PADI6: variants seen among roughly 807,000 people sequenced by gnomAD.
PADI6 encodes the protein peptidyl arginine deiminase 6, also known as inactive protein-arginine deiminase type-6.
Under a neutral mutation model 78.2 loss-of-function variants are expected in PADI6, and 66 were observed. The observed-to-expected ratio is 0.84, with a 90% CI of 0.69 to 1.04. PADI6 has a LOEUF of 1.04. Ranked by LOEUF, PADI6 falls within the 50% of genes least tolerant of loss-of-function variation. The pLI, the probability that PADI6 is intolerant of heterozygous loss-of-function variation, is 0.00. For synonymous variants in PADI6, 397 were observed against 346.9 expected, an observed-to-expected ratio of 1.14 and a Z score of -1.60; for missense variants, 854 against 866.1, an observed-to-expected ratio of 0.99 and a Z score of 0.18.
At chr1:17,381,871 T>C in intron 5 of PADI6, 96 bp from the exon 6 acceptor site, 2 of 1,432,016 alleles carry the variant, frequency 1.4e-6, no homozygotes, top group South Asian at 2.4e-5. Flanking sequence ...CTTGGTGCTC[T>C]GTTCAAACTC....
At position 17,388,666 on chromosome 1, in the gene PADI6, A is replaced by C. The variant is rs950929153; in HGVS notation, c.858+107A>C. On this transcript the variant is annotated intron_variant, in intron 7 of 15. Transcript: ENST00000619609. ...GAGGTTTGCTGGGGGAGAGCTGCAG[A>C]AGGCAAGTGGGGCCCAGCTGGGGGC... is the stretch of plus-strand genomic sequence containing the variant. The C allele has an allele frequency of 7.5e-6, 11 of 1,457,768 alleles. No individual in the cohort carries two copies. In the African/African-American group the frequency reaches 1.5e-4, roughly 20 times the overall value. 90.3% of individuals were successfully genotyped at this position (1,457,768 alleles called of 1,614,324 possible).
At chr1:17,380,897 C>A in intron 4 of PADI6, 150 bp from the exon 5 acceptor site, 1 of 572,478 alleles carries the variant, frequency 1.7e-6, no homozygotes, top group Non-Finnish European at 3.0e-6. Flanking sequence ...CCTTCCTGTG[C>A]CTACAGATTC....
At chr1:17,376,491 ATTTT>A (rs35174721) in intron 3 of PADI6, among the ~76,000 whole-genome samples, 3 of 148,394 alleles carry the variant, frequency 2.0e-5, no homozygotes, top group African/African-American at 5.0e-5. Context: ...TAGTGGGCTA[ATTTT>A]TTTTATTTTT....
At chr1:17,379,199 GC>G (rs1275274396) in intron 3 of PADI6, among the ~76,000 whole-genome samples, 1 of 139,024 alleles carries the variant, frequency 7.2e-6, no homozygotes, top group Non-Finnish European at 1.5e-5. Context: ...TGCAGGCTCC[GC>G]CCCCTGGGGT....
At position 17,381,067 on chromosome 1, in the gene PADI6, C is replaced by T. The variant is rs756095321; in HGVS notation, c.456C>T (p.Pro152=). The T allele has an allele frequency of 1.2e-6, 2 of 1,604,586 alleles. No individual in the cohort carries two copies. Among genetic ancestry groups the T allele is most frequent in the Non-Finnish European group, 1.7e-6 (2 of 1,175,744 alleles). ...KQAKKKWIWG[P]SGWGAILLVN... is the part of the protein sequence containing the mutation. ...TGCAGAAAAAATGGATCTGGGGTCC[C>T]AGCGGTTGGGGTGCCATCCTGCTTG... The change falls in exon 5 of 16, where the codon CCC becomes CCT. Residue 152 remains proline (P), a synonymous_variant. Coordinates refer to ENST00000619609, the MANE Select transcript of PADI6 (RefSeq NM_207421.4).
chr1:17,393,061 G>A (rs1389171589), intron 9 of PADI6, among the ~76,000 whole-genome samples: 1 of 152,078 alleles, frequency 6.6e-6, no homozygotes, highest in Non-Finnish European at 1.5e-5. Context: ...CAGAAGAATC[G>A]CTTGAACCCA....
At position 17,397,140 on chromosome 1, in the gene PADI6, A is replaced by AG. The variant is rs1322433710; in HGVS notation, c.1689+1dup. On this transcript the variant is annotated frameshift_variant and splice_region_variant, in exon 14 of 16. Transcript: ENST00000619609. LOFTEE classifies it high-confidence loss of function. The stretch of plus-strand genomic sequence containing the variant: ...CTGAAGAAGCAGAATGAATACGTGG[A>AG]GGTAGGACCAGTGTGAAGGGGGCCA... The AG allele has an allele frequency of 3.1e-6, 5 of 1,613,756 alleles. No individual in the cohort carries two copies. The highest frequency in any genetic ancestry group is 4.5e-5 in the East Asian group (2 of 44,880).
chr1:17,398,648 T>TGGGGGGGGGGGGGGGGGGGGGGGG, intron 14 of PADI6, 38 bp from the exon 15 acceptor site: 2 of 193,328 alleles, frequency 1.0e-5, no homozygotes, highest in Non-Finnish European at 9.0e-6. Flanking sequence ...CTCTCCTTGC[T>TGGGGGGGGGGGGGGGGGGGGGGGG]CCCCCGCCCC....
At chr1:17,374,135 G>A (rs2074992341) in intron 2 of PADI6, among the ~76,000 whole-genome samples, 1 of 152,214 alleles carries the variant, frequency 6.6e-6, no homozygotes, top group East Asian at 1.9e-4. Context: ...AGCTCTCCAG[G>A]TGCACCCAGT....
At chr1:17,374,844 A>G (rs1345985832) in intron 2 of PADI6, among the ~76,000 whole-genome samples, 1 of 152,018 alleles carries the variant, frequency 6.6e-6, no homozygotes, top group Non-Finnish European at 1.5e-5. Flanking sequence ...CATGACCAAG[A>G]CCTTGTGGTC....
chr1:17,373,368 T>C, intron 2 of PADI6, 135 bp downstream of exon 2: 1 of 1,065,472 alleles, frequency 9.4e-7, no homozygotes, highest in Non-Finnish European at 1.3e-6. Context: ...TCATCCAGTG[T>C]CTGCAACAGA....
At chr1:17,375,975 C>CTTTTTTTTTTTTTTTTTTTTTTTTTT (rs575076756) in intron 3 of PADI6, among the ~76,000 whole-genome samples, 5 of 150,334 alleles carry the variant, frequency 3.3e-5, no homozygotes, top group African/African-American at 9.9e-5. Flanking sequence ...ATAACATCTA[C>CTTTTTTTTTTTTTTTTTTTTTTTTTT]TTTTTTTTTC....
intron 8 of PADI6, among the ~76,000 whole-genome samples, chr1:17,391,499 C>T (rs190555017): frequency 7.3e-4 from 111 of 152,330 alleles, no homozygotes; most frequent in African/African-American, 2.4e-3. Flanking sequence ...GGATTACAGG[C>T]GTGCGCCACT....
In PADI6 at chr1:17,392,025, A is replaced by C. The variant is rs2075189853; in HGVS notation, c.963-89A>C. The C allele has an allele frequency of 2.8e-6, 3 of 1,083,378 alleles. No individual in the cohort carries two copies. In the East Asian group the frequency reaches 7.8e-5, roughly 28 times the overall value. 67.1% of individuals were successfully genotyped at this position (1,083,378 alleles called of 1,614,324 possible). ...GATGTAACCTCTCCTGGTGAGAAGG[A>C]TGTGTTCTTCCTCTCTTGGCACAAG... On this transcript the variant is annotated intron_variant, in intron 8 of 15. Coordinates refer to ENST00000619609, the MANE Select transcript of PADI6 (RefSeq NM_207421.4).
At position 17,381,307 on chromosome 1, in the gene PADI6, T is replaced by G; in HGVS notation, c.553+143T>G. On this transcript the variant is annotated intron_variant, in intron 5 of 15. Transcript: ENST00000619609. ...CCCATGCCTGGGCTGATCAAACCTT[T>G]TGTCCTGAGTTGTAGATGTATAATT... 3 of 648,632 alleles carry G rather than the reference T, an allele frequency of 4.6e-6. No homozygotes were observed. In the South Asian group the frequency reaches 6.0e-5, roughly 13 times the overall value. 40.2% of individuals were successfully genotyped at this position (648,632 alleles called of 1,614,324 possible). A position where few individuals can be genotyped will look rare whatever the true frequency, so the allele number is the denominator to read the frequency against.
In PADI6 at chr1:17,401,218, T is replaced by A; in HGVS notation, c.1865T>A (p.Val622Glu). The change falls in exon 16 of 16, where the codon GTG (valine) becomes GAG (glutamate). Residue 622 changes from valine (V) to glutamate (E), a missense_variant. Val to Glu is a moderately radical substitution (Grantham distance 121, BLOSUM62 -2). Coordinates refer to ENST00000619609, the MANE Select transcript of PADI6 (RefSeq NM_207421.4). ...PYFPDLLRMI[V>E]MGKNLGIPKP... ...TCTTTCTAACAGTTGCGGATGATTGTGATGGGCAAGAACCTGGGGATCCCC... is the reference window on the plus strand; with the variant it reads ...TCTTTCTAACAGTTGCGGATGATTGAGATGGGCAAGAACCTGGGGATCCCC... 1 of 1,613,956 alleles carries A rather than the reference T, an allele frequency of 6.2e-7. No homozygotes were observed. Among genetic ancestry groups the A allele is most frequent in the Non-Finnish European group, 8.5e-7 (1 of 1,179,856 alleles).
At position 17,384,188 on chromosome 1, in the gene PADI6, T is replaced by A. The variant is rs188704406; in HGVS notation, c.679+2096T>A. 1.2e-3 allele frequency among the ~76,000 whole-genome samples: 176 copies of A among 152,006 alleles called. 1 individual carries two copies. The highest frequency in any genetic ancestry group is 6.9e-3 in the Middle Eastern group (2 of 290). ...CAGGGTAGGGCAACACAGCATGTTA[T>A]GTTTTAACAAGCCTTCCAGGTGACT... is the stretch of plus-strand genomic sequence containing the variant. On this transcript the variant is annotated intron_variant, in intron 6 of 15. Transcript: ENST00000619609.
At chr1:17,397,180 C>T in intron 14 of PADI6, 39 bp downstream of exon 14, 2 of 1,608,120 alleles carry the variant, frequency 1.2e-6, no homozygotes, top group Non-Finnish European at 1.7e-6. Context: ...CAAGAAAGAG[C>T]TGGTGCCGCA....
chr1:17,398,224 C>A (rs1471834738), intron 14 of PADI6, among the ~76,000 whole-genome samples: 2 of 152,192 alleles, frequency 1.3e-5, no homozygotes, highest in Admixed American at 6.5e-5. Flanking sequence ...GAACAGCCCC[C>A]CTGGCATAGC....
Sources: gnomAD v4.1 joint callset for allele counts (sites outside exome capture counted in the v4.1 genomes callset) on GRCh38, gnomAD v4.1.1 for gene constraint, MANE v1.5 for transcripts, NCBI Gene and HGNC (gene_info 2026-07-23, HGNC 2026-07-21) for gene names.